EEA1: variants seen among roughly 807,000 people sequenced by gnomAD.
EEA1 encodes early endosome antigen 1, 162kD.
EEA1 carries 111 observed loss-of-function variants against 209.2 expected under a neutral mutation model. That is an observed-to-expected ratio of 0.53 (90% CI 0.45 to 0.62). EEA1 has a LOEUF of 0.62. Among genes scored for constraint, EEA1 ranks in the 20% least tolerant of loss-of-function variants. The pLI is 0.00. For missense variants in EEA1, 1,343 were observed against 1,530.8 expected (o/e 0.88, Z 2.05); for synonymous variants, 536 against 540.6 (o/e 0.99, Z 0.12).
intron 11 of EEA1, among the ~76,000 whole-genome samples, chr12:92,828,761 C>T (rs1876452647): frequency 6.6e-6 from 1 of 152,044 alleles, no homozygotes; most frequent in Non-Finnish European, 1.5e-5. Context: ...TTCCTTCCTA[C>T]CTCTTACAAC....
chr12:92,812,774 A>C (rs1243896415), intron 16 of EEA1, among the ~76,000 whole-genome samples: 1 of 152,180 alleles, frequency 6.6e-6, no homozygotes, highest in Non-Finnish European at 1.5e-5. Flanking sequence ...CACTAGTAGA[A>C]ATTTATCAAA....
rs1298638345 is a variant in EEA1, at chr12:92,852,178, T to C, written c.639A>G (p.Glu213=). The C allele has an allele frequency of 1.9e-6, 3 of 1,575,680 alleles. No individual in the cohort carries two copies. The South Asian group carries it at 3.6e-5, about 19-fold the overall frequency. Residue 213 remains glutamate (E), a synonymous_variant, in exon 8 of 29, where the codon GAA becomes GAG. Transcript: ENST00000322349. Reference sequence around the variant, plus strand: ...CAATAAATAATTCCTAAATTACCAGTTCCGTCTTCAGATCTTGAATTACAG... The same window carrying C: ...CAATAAATAATTCCTAAATTACCAGCTCCGTCTTCAGATCTTGAATTACAG... ...EATVIQDLKT[E]LLQRPGIEDV...
intron 9 of EEA1, 112 bp downstream of exon 9, chr12:92,850,999 A>G: frequency 9.9e-7 from 1 of 1,005,924 alleles, no homozygotes; most frequent in Non-Finnish European, 1.4e-6. Context: ...AATGAAAGAA[A>G]GACAAATATT....
At chr12:92,882,299 G>A (rs1483774384) in intron 2 of EEA1, among the ~76,000 whole-genome samples, 1 of 151,854 alleles carries the variant, frequency 6.6e-6, no homozygotes, top group African/African-American at 2.4e-5. Flanking sequence ...GTAGAAACAT[G>A]GTTTCATCAC....
At chr12:92,877,087 G>C (rs914453649) in intron 2 of EEA1, among the ~76,000 whole-genome samples, 2 of 150,824 alleles carry the variant, frequency 1.3e-5, no homozygotes, top group Admixed American at 6.6e-5. Context: ...GGGATTACAG[G>C]CATGTGCTGT....
intron 9 of EEA1, among the ~76,000 whole-genome samples, chr12:92,846,721 T>C (rs1877399912): frequency 6.6e-6 from 1 of 152,206 alleles, no homozygotes; most frequent in Non-Finnish European, 1.5e-5. Context: ...ATTTTCTATA[T>C]GCCTTCAAAA....
In EEA1 at chr12:92,860,883, TAA is replaced by T. The variant is rs1294239273; in HGVS notation, c.246-3400_246-3399del. On this transcript the variant is annotated intron_variant, in intron 3 of 28. Transcript: ENST00000322349. Reference sequence around the variant, plus strand: ...CTAAATAACATGCTAGGTTCTACCTTAAAAAAAAAAAAGAAGACAAAGAAGAA... The same window carrying T: ...CTAAATAACATGCTAGGTTCTACCTTAAAAAAAAAAGAAGACAAAGAAGAA... 1.2e-3 allele frequency among the ~76,000 whole-genome samples: 165 copies of T among 138,934 alleles called. 3 individuals carry two copies. The highest frequency in any genetic ancestry group is 3.9e-3 in the African/African-American group (147 of 37,908). 91.1% of individuals were successfully genotyped at this position (138,934 alleles called of 152,430 possible).
At position 92,813,036 on chromosome 12, in the gene EEA1, C is replaced by A; in HGVS notation, c.1987G>T (p.Ala663Ser). 1 of 1,600,788 alleles carries A rather than the reference C, an allele frequency of 6.2e-7. No individual in the cohort carries two copies. ...GTGTCCAAATGATTCTGAAGATCAG[C>A]TCTTTGAGCAGTTTTTGCTGCTTCT... Reference protein sequence around the residue: ...SAEAAKTAQRADLQNHLDTAQ... With the variant: ...SAEAAKTAQRSDLQNHLDTAQ... The change falls in exon 16 of 29, where the codon GCT becomes TCT. Residue 663 changes from alanine to serine, a missense_variant. Coordinates refer to ENST00000322349, the MANE Select transcript of EEA1 (RefSeq NM_003566.4).
chr12:92,866,564 A>G (rs1280415597), intron 2 of EEA1, among the ~76,000 whole-genome samples: 1 of 152,092 alleles, frequency 6.6e-6, no homozygotes, highest in African/African-American at 2.4e-5. Context: ...ATTCCCTTTA[A>G]AGATCACTGT....
At chr12:92,831,503 A>G (rs752434665) in intron 11 of EEA1, among the ~76,000 whole-genome samples, 81 of 148,366 alleles carry the variant, frequency 5.5e-4, no homozygotes, top group Non-Finnish European at 1.0e-3. Context: ...TATATAATAT[A>G]TGATATGAAT....
intron 3 of EEA1, among the ~76,000 whole-genome samples, chr12:92,861,285 A>G (rs1878133852): frequency 6.6e-6 from 1 of 152,126 alleles, no homozygotes; most frequent in African/African-American, 2.4e-5. Context: ...GAGAAACCCC[A>G]TCTCTACTAA....
chr12:92,809,249 G>T, intron 17 of EEA1, 93 bp from the exon 18 acceptor site: 3 of 966,738 alleles, frequency 3.1e-6, no homozygotes, highest in Admixed American at 3.8e-5. Flanking sequence ...TATTCAAACA[G>T]GTGTGACATA....
chr12:92,819,516 A>T lies in EEA1; in HGVS notation c.1525-5T>A. ...TAGAACTTGTTCCAAATCATTCTGT[A>T]AAGAATTGAAAACTACTACTTTAAG... On this transcript the variant is annotated splice_polypyrimidine_tract_variant and splice_region_variant and intron_variant, in intron 13 of 28. Coordinates refer to ENST00000322349, the MANE Select transcript of EEA1 (RefSeq NM_003566.4). 6.4e-7 allele frequency: 1 copy of T among 1,567,870 alleles called. No individual in the cohort carries two copies. Among genetic ancestry groups the T allele is most frequent in the Non-Finnish European group, 8.6e-7 (1 of 1,159,628 alleles).
chr12:92,783,165 G>A (rs776365534), intron 22 of EEA1, among the ~76,000 whole-genome samples: 33 of 152,230 alleles, frequency 2.2e-4, no homozygotes, highest in Non-Finnish European at 4.1e-4. Context: ...AGAAGTTCTG[G>A]AAGCCTGGAT....
intron 3 of EEA1, among the ~76,000 whole-genome samples, chr12:92,862,000 T>C (rs983553104): frequency 9.2e-5 from 14 of 152,182 alleles, no homozygotes; most frequent in African/African-American, 3.1e-4. Flanking sequence ...TTCAAATATT[T>C]GATTGATGTT....
chr12:92,781,189 C>T (rs1438096294), intron 23 of EEA1, among the ~76,000 whole-genome samples: 2 of 152,084 alleles, frequency 1.3e-5, no homozygotes, highest in Non-Finnish European at 2.9e-5. Flanking sequence ...AGATAACAGG[C>T]ATGAGCCATC....
Position 92,801,615 on chromosome 12 carries a change from A to T in EEA1, c.2757T>A (p.Leu919=). Residue 919 remains leucine (L), a synonymous_variant, in exon 20 of 29, where the codon CTT becomes CTA. Transcript: ENST00000322349. ...AAAATCTTACCTCCTTCTCTTTTTC[A>T]AGTGACTTTTTCAGTTCCTTCTGTT... ...LKEQKELKKS[L]EKEKEASHQL... is the part of the protein sequence containing the mutation. 4 of 1,587,464 alleles carry T rather than the reference A, an allele frequency of 2.5e-6. No individual in the cohort carries two copies. The highest frequency in any genetic ancestry group is 3.4e-6 in the Non-Finnish European group (4 of 1,170,710).
rs1289272325 is a variant in EEA1 at position 92,776,928 on chromosome 12, T to G, written c.4029A>C (p.Gln1343His). The stretch of plus-strand genomic sequence containing the variant: ...CTTCGGCCCACTTTCTATTCAACGC[T>G]TGTGTATGTTTGATCTGTTTTTTAA... ...ENQSLQIKHT[Q>H]ALNRKWAEDN... Residue 1343 changes from glutamine to histidine, a missense_variant, in exon 28 of 29, where the codon CAA becomes CAC. Physicochemically the swap from Gln to His is conservative, Grantham distance 24. This residue lies in a region of EEA1 where 1,307 missense variants were observed against 1,465.5 expected (regional missense o/e 0.89). Coordinates refer to ENST00000322349, the MANE Select transcript of EEA1 (RefSeq NM_003566.4). 4 of 1,611,556 alleles carry G rather than the reference T, an allele frequency of 2.5e-6. No homozygotes were observed. In the Admixed American group the frequency reaches 6.7e-5, roughly 27 times the overall value.
At chr12:92,891,776 T>C (rs1482997338) in intron 1 of EEA1, 55 bp from the exon 2 acceptor site, 6 of 1,252,396 alleles carry the variant, frequency 4.8e-6, no homozygotes, top group Non-Finnish European at 6.8e-6. Flanking sequence ...TAACAATATA[T>C]TCATCGGCCA....
Sources: allele counts gnomAD v4.1 joint callset (sites outside exome capture counted in the v4.1 genomes callset), GRCh38; gene constraint gnomAD v4.1.1; regional missense constraint gnomAD v4.1.1; transcripts MANE v1.5; gene names NCBI Gene and HGNC (gene_info 2026-07-23, HGNC 2026-07-21).